FBXO4: variants seen among roughly 807,000 people sequenced by gnomAD.
FBXO4 encodes the protein F-box only protein 4.
FBXO4 carries 36 observed loss-of-function variants against 43.7 expected under a neutral mutation model. That is an observed-to-expected ratio of 0.82 (90% CI 0.63 to 1.09). The LOEUF is 1.09. FBXO4 is among the 50% of genes least tolerant of loss of function. The pLI, the probability that FBXO4 is intolerant of heterozygous loss-of-function variation, is 0.00. For missense variants in FBXO4, 435 were observed against 474.1 expected (o/e 0.92, Z 0.77); for synonymous variants, 180 against 165.6 (o/e 1.09, Z -0.67).
chr5:42,008,779 G>A, the FBXO4 span, among the ~76,000 whole-genome samples: 1 of 152,086 alleles, frequency 6.6e-6, no homozygotes, highest in African/African-American at 2.4e-5. Flanking sequence ...TGACACTTTA[G>A]ATTTCTAATT....
chr5:42,023,890 T>C, the FBXO4 span, among the ~76,000 whole-genome samples: 1 of 152,000 alleles, frequency 6.6e-6, no homozygotes, highest in Non-Finnish European at 1.5e-5. Context: ...ATCTGCACCT[T>C]GCAACAAAGA....
At chr5:42,032,057 C>CTGTGTG in the FBXO4 span, among the ~76,000 whole-genome samples, 1,060 of 139,312 alleles carry the variant, frequency 7.6e-3, 9 homozygotes, top group Middle Eastern at 0.061. Flanking sequence ...GTCTTTTTTT[C>CTGTGTG]TGTGTGTGTG....
the FBXO4 span, among the ~76,000 whole-genome samples, chr5:42,024,807 C>A: frequency 6.6e-6 from 1 of 151,970 alleles, no homozygotes; most frequent in East Asian, 1.9e-4. Context: ...CAAATGATGT[C>A]TTTCTGTTCC....
chr5:41,945,260 C>T (rs1330091280), downstream of FBXO4, among the ~76,000 whole-genome samples: 2 of 152,050 alleles, frequency 1.3e-5, no homozygotes, highest in African/African-American at 4.8e-5. Context: ...TATTTTGTTC[C>T]TTGCTTAGTA....
chr5:41,953,282 T>C, the FBXO4 span, among the ~76,000 whole-genome samples: 14 of 151,696 alleles, frequency 9.2e-5, no homozygotes, highest in African/African-American at 2.9e-4. Flanking sequence ...TTACTGAGAA[T>C]GTTGATTTCC....
chr5:41,977,288 C>T, the FBXO4 span, among the ~76,000 whole-genome samples: 1 of 152,202 alleles, frequency 6.6e-6, no homozygotes, highest in African/African-American at 2.4e-5. Context: ...TGCTTGTATT[C>T]CTCTCCTGAA....
the FBXO4 span, among the ~76,000 whole-genome samples, chr5:41,980,687 T>C: frequency 1.3e-5 from 2 of 152,212 alleles, no homozygotes; most frequent in African/African-American, 4.8e-5. Flanking sequence ...CCTTTCTTTG[T>C]GAATTAAAGA....
the FBXO4 span, among the ~76,000 whole-genome samples, chr5:41,950,145 A>G: frequency 2.0e-5 from 3 of 152,238 alleles, no homozygotes; most frequent in Admixed American, 6.5e-5. Flanking sequence ...CATTCAGGAC[A>G]TAGGCATGGG....
the FBXO4 span, among the ~76,000 whole-genome samples, chr5:41,973,754 T>G: frequency 3.9e-5 from 6 of 152,200 alleles, no homozygotes; most frequent in African/African-American, 1.4e-4. Flanking sequence ...CATTCAATCT[T>G]TTGTTGCTAT....
chr5:41,956,598 T>A, the FBXO4 span, among the ~76,000 whole-genome samples: 2 of 152,128 alleles, frequency 1.3e-5, no homozygotes, highest in African/African-American at 2.4e-5. Flanking sequence ...GACTAACAGT[T>A]TTTCCCCCAG....
At chr5:41,960,774 T>C in the FBXO4 span, among the ~76,000 whole-genome samples, 1 of 152,190 alleles carries the variant, frequency 6.6e-6, no homozygotes, top group Non-Finnish European at 1.5e-5. Context: ...TTTAATCTCT[T>C]TGATAAATTT....
chr5:42,033,267 T>C, the FBXO4 span, among the ~76,000 whole-genome samples: 1 of 152,114 alleles, frequency 6.6e-6, no homozygotes, highest in African/African-American at 2.4e-5. Flanking sequence ...CAGTCCACTG[T>C]CTCTTGTCCC....
chr5:42,028,623 CT>C, the FBXO4 span, among the ~76,000 whole-genome samples: 2 of 151,420 alleles, frequency 1.3e-5, no homozygotes, highest in African/African-American at 4.8e-5. Context: ...CATTTCCTTT[CT>C]TCCTTTAGTG....
At chr5:41,986,594 G>A in the FBXO4 span, among the ~76,000 whole-genome samples, 1 of 152,086 alleles carries the variant, frequency 6.6e-6, no homozygotes, top group African/African-American at 2.4e-5. Flanking sequence ...AACACAGAGG[G>A]CACTTCAAAG....
At position 41,934,135 on chromosome 5, in the gene FBXO4, A is replaced by G; in HGVS notation, c.725A>G (p.Lys242Arg). 1 of 1,613,818 alleles carries G rather than the reference A, an allele frequency of 6.2e-7. No homozygotes were observed. The highest frequency in any genetic ancestry group is 8.5e-7 in the Non-Finnish European group (1 of 1,179,898). The change falls in exon 5 of 7, where the codon AAG becomes AGG. Residue 242 changes from lysine to arginine, a missense_variant and splice_region_variant. Physicochemically the swap from Lys to Arg is conservative, Grantham distance 26 (BLOSUM62 2). Transcript: ENST00000281623. ...NILILYSTTRKERDRAREEHT... is the reference protein window; with the variant it reads ...NILILYSTTRRERDRAREEHT... Reference sequence around the variant, plus strand: ...TGTCTTTACAATTTTTTTTCTAGAAAGGAAAGAGATAGAGCAAGGGAAGAG... The same window carrying G: ...TGTCTTTACAATTTTTTTTCTAGAAGGGAAAGAGATAGAGCAAGGGAAGAG...
At chr5:41,937,512 A>G (rs1385157665) in intron 5 of FBXO4, among the ~76,000 whole-genome samples, 1 of 152,104 alleles carries the variant, frequency 6.6e-6, no homozygotes, top group East Asian at 1.9e-4. Context: ...AATACCCCAG[A>G]CCTGTATATC....
the FBXO4 span, among the ~76,000 whole-genome samples, chr5:42,039,180 CTAAGG>C: frequency 6.6e-6 from 1 of 152,048 alleles, no homozygotes; most frequent in African/African-American, 2.4e-5. Flanking sequence ...CTCAAATTCT[CTAAGG>C]TGAGAACAAA....
At chr5:41,931,622 C>G (rs569907561) in intron 3 of FBXO4, among the ~76,000 whole-genome samples, 8 of 152,202 alleles carry the variant, frequency 5.3e-5, no homozygotes, top group Admixed American at 2.6e-4. Context: ...AACAGGCACT[C>G]TCTGTATATT....
chr5:41,949,866 T>G, the FBXO4 span, among the ~76,000 whole-genome samples: 6 of 151,886 alleles, frequency 4.0e-5, no homozygotes, highest in East Asian at 9.7e-4. Flanking sequence ...CCAAAACAGA[T>G]ATATAGACCA....
Sources: allele counts gnomAD v4.1 joint callset (sites outside exome capture counted in the v4.1 genomes callset), GRCh38; gene constraint gnomAD v4.1.1; transcripts MANE v1.5; gene names NCBI Gene and HGNC (gene_info 2026-07-23, HGNC 2026-07-21).